The following IQCM variants were observed in gnomAD, a reference collection of about 807,000 sequenced individuals.
The protein encoded by IQCM is IQ motif containing M.
IQCM carries 45 observed loss-of-function variants against 57.6 expected under a neutral mutation model. The observed-to-expected ratio is 0.78, with a 90% CI of 0.62 to 1.00. The LOEUF (loss-of-function observed/expected upper bound fraction) is 1.00, where lower values mean the gene tolerates loss of function less well. IQCM is among the 50% of genes least tolerant of loss of function. The pLI, the probability that IQCM is intolerant of heterozygous loss-of-function variation, is 0.00. For synonymous variants in IQCM, 148 were observed against 158.9 expected (o/e 0.93, Z 0.51); for missense variants, 468 against 511.6 (o/e 0.91, Z 0.82).
chr4:149,700,532 C>G (rs1763691804), intron 5 of IQCM, among the ~76,000 whole-genome samples: 1 of 151,966 alleles, frequency 6.6e-6, no homozygotes, highest in Non-Finnish European at 1.5e-5. Context: ...GAGCACCTAC[C>G]TCTAGTGGTA....
intron 5 of IQCM, among the ~76,000 whole-genome samples, chr4:149,727,627 A>G (rs1766066979): frequency 6.6e-6 from 1 of 152,008 alleles, no homozygotes; most frequent in African/African-American, 2.4e-5. Flanking sequence ...GGTTATTGAG[A>G]CCCTTCTGCC....
chr4:149,510,362 A>G (rs1180186595), intron 12 of IQCM, among the ~76,000 whole-genome samples: 3 of 152,186 alleles, frequency 2.0e-5, no homozygotes, highest in Non-Finnish European at 4.4e-5. Context: ...TGTGTGGTAT[A>G]GAATTTAAAT....
intron 2 of IQCM, among the ~76,000 whole-genome samples, chr4:149,754,863 C>A (rs1580210133): frequency 1.3e-5 from 2 of 152,286 alleles, no homozygotes; most frequent in Middle Eastern, 6.8e-3. Flanking sequence ...GGGCCTCTCC[C>A]CTTGTCTATC....
At position 149,760,701 on chromosome 4, in the gene IQCM, T is replaced by C. The variant is rs531249967; in HGVS notation, c.-48-17962A>G. On this transcript the variant is annotated intron_variant, in intron 2 of 13. Transcript: ENST00000636793. ...GTTTATATATATATTCATTTACTTA[T>C]ATTTGACATTTTTCTGAGATACATC... Among the ~76,000 whole-genome samples the C allele has an allele frequency of 3.9e-5, 6 of 152,246 alleles. No homozygotes were observed. The South Asian group carries it at 1.2e-3, about 32-fold the overall frequency.
rs1174198910 is a variant in IQCM at position 149,546,249 on chromosome 4, G to C, written c.1228+2206C>G. On this transcript the variant is annotated intron_variant, in intron 12 of 13. Transcript: ENST00000636793. ...ACACTTGGGTTGCTTCCAAGTCTTT[G>C]CTATTGTGAATAGTGCCACAATAAA... Among the ~76,000 whole-genome samples the C allele has an allele frequency of 2.0e-5, 3 of 152,142 alleles. 1 individual carries two copies. The highest frequency in any genetic ancestry group is 4.4e-5 in the Non-Finnish European group (3 of 68,026).
chr4:149,422,497 AAAAC>A, intron 13 of IQCM, among the ~76,000 whole-genome samples: 1 of 152,198 alleles, frequency 6.6e-6, no homozygotes, highest in African/African-American at 2.4e-5. Context: ...AAGCTTCAGG[AAAAC>A]AAAGAGAAAA....
chr4:149,359,561 A>T (rs1474745648), intron 13 of IQCM, among the ~76,000 whole-genome samples: 1 of 152,188 alleles, frequency 6.6e-6, no homozygotes, highest in Admixed American at 6.5e-5. Flanking sequence ...CAGTTTAAAG[A>T]AGTGGCTTTA....
chr4:149,354,087 A>G (rs1008152677), intron 13 of IQCM, among the ~76,000 whole-genome samples: 2 of 152,094 alleles, frequency 1.3e-5, no homozygotes, highest in African/African-American at 2.4e-5. Flanking sequence ...CAAATTGGCC[A>G]GGCGCGGTGG....
At chr4:149,389,466 C>G (rs1731684411) in intron 13 of IQCM, among the ~76,000 whole-genome samples, 1 of 151,578 alleles carries the variant, frequency 6.6e-6, no homozygotes, top group South Asian at 2.1e-4. Context: ...CCCAAATGTC[C>G]AACAATGATA....
At chr4:149,391,990 T>G (rs539755687) in intron 13 of IQCM, among the ~76,000 whole-genome samples, 5 of 152,092 alleles carry the variant, frequency 3.3e-5, no homozygotes, top group African/African-American at 1.2e-4. Flanking sequence ...TATTAAAGTC[T>G]AGGTGGTTTA....
At chr4:149,798,982 A>T (rs1561287014) in intron 2 of IQCM, among the ~76,000 whole-genome samples, 1 of 151,866 alleles carries the variant, frequency 6.6e-6, no homozygotes, top group Non-Finnish European at 1.5e-5. Flanking sequence ...CACCAATTGG[A>T]TCTAATAGAT....
chr4:149,419,626 C>T (rs1733986630), intron 13 of IQCM, among the ~76,000 whole-genome samples: 1 of 151,940 alleles, frequency 6.6e-6, no homozygotes, highest in Non-Finnish European at 1.5e-5. Context: ...TGCAACGAAG[C>T]CAAAATTGAC....
At chr4:149,779,637 G>A (rs1771418562) in intron 2 of IQCM, among the ~76,000 whole-genome samples, 1 of 152,114 alleles carries the variant, frequency 6.6e-6, no homozygotes, top group East Asian at 1.9e-4. Context: ...TAGGTTTGGA[G>A]AGTCAAAACT....
At chr4:149,495,238 T>C (rs1487284405) in intron 12 of IQCM, among the ~76,000 whole-genome samples, 4 of 152,112 alleles carry the variant, frequency 2.6e-5, no homozygotes, top group African/African-American at 9.7e-5. Flanking sequence ...CATTGTCTTT[T>C]AAAAGCTAGA....
intron 2 of IQCM, among the ~76,000 whole-genome samples, chr4:149,791,777 T>A (rs752970417): frequency 6.6e-6 from 1 of 152,288 alleles, no homozygotes; most frequent in East Asian, 1.9e-4. Flanking sequence ...GAGCGTCTAA[T>A]AGGATAAGCA....
At chr4:149,732,455 C>T (rs1766546357) in intron 5 of IQCM, among the ~76,000 whole-genome samples, 1 of 152,126 alleles carries the variant, frequency 6.6e-6, no homozygotes, top group Non-Finnish European at 1.5e-5. Flanking sequence ...ATGCTTCACA[C>T]TCACCCTCTT....
intron 7 of IQCM, among the ~76,000 whole-genome samples, chr4:149,653,796 A>G (rs1303039663): frequency 6.6e-6 from 1 of 152,162 alleles, no homozygotes; most frequent in Non-Finnish European, 1.5e-5. Context: ...CAGCATGCTA[A>G]GCAATTTAAT....
intron 13 of IQCM, among the ~76,000 whole-genome samples, chr4:149,424,607 C>A (rs2111232135): frequency 6.6e-6 from 1 of 151,816 alleles, no homozygotes; most frequent in Admixed American, 6.6e-5. Flanking sequence ...TTTTATGTAA[C>A]TATATGAGTA....
intron 13 of IQCM, among the ~76,000 whole-genome samples, chr4:149,421,288 T>C (rs980386171): frequency 6.6e-6 from 1 of 151,812 alleles, no homozygotes; most frequent in Non-Finnish European, 1.5e-5. Context: ...TAAGCTGAGA[T>C]AGAATCAATT....
Sources: allele counts gnomAD v4.1 joint callset (sites outside exome capture counted in the v4.1 genomes callset), GRCh38; gene constraint gnomAD v4.1.1; transcripts MANE v1.5; gene names NCBI Gene and HGNC (gene_info 2026-07-23, HGNC 2026-07-21).